The following ALPK2 variants were observed in gnomAD, a reference collection of about 807,000 sequenced individuals.
ALPK2 encodes the protein alpha-protein kinase 2.
In ALPK2, 127 loss-of-function variants were observed where a neutral mutation model predicts 163.1. The ratio of observed to expected loss-of-function variants is 0.78; its 90% confidence interval spans 0.67 to 0.90. The LOEUF (loss-of-function observed/expected upper bound fraction) is 0.90, where lower values mean the gene tolerates loss of function less well. Among genes scored for constraint, ALPK2 ranks in the 40% least tolerant of loss-of-function variants. The pLI is 0.00. For synonymous variants in ALPK2, 953 were observed against 959.1 expected (o/e 0.99, Z 0.12); for missense variants, 2,360 against 2,589.6 (o/e 0.91, Z 1.92).
At chr18:58,578,734 A>ACACACGCGCGCGCGCGCGCGCGTGCACG (rs2051935449) in intron 4 of ALPK2, 80 bp downstream of exon 4, 1 of 374,822 alleles carries the variant, frequency 2.7e-6, no homozygotes, top group African/African-American at 4.9e-5. Flanking sequence ...AAAGGAAGAG[A>ACACACGCGCGCGCGCGCGCGCGTGCACG]CACACACACA....
chr18:58,592,783 G>T (rs1252359816), intron 3 of ALPK2, among the ~76,000 whole-genome samples: 1 of 152,244 alleles, frequency 6.6e-6, no homozygotes, highest in Admixed American at 6.5e-5. Context: ...AGCAGCGAAT[G>T]TGCCTGGGTT....
At chr18:58,532,735 G>C (rs1419613069) in intron 5 of ALPK2, among the ~76,000 whole-genome samples, 2 of 152,180 alleles carry the variant, frequency 1.3e-5, no homozygotes, top group African/African-American at 4.8e-5. Flanking sequence ...GTTAGGCCAT[G>C]TGCCATTCAA....
At chr18:58,564,312 G>C (rs571643553) in intron 4 of ALPK2, among the ~76,000 whole-genome samples, 1 of 151,448 alleles carries the variant, frequency 6.6e-6, no homozygotes, top group Admixed American at 6.6e-5. Flanking sequence ...AGTAGAGATG[G>C]GGTTTCTCCA....
intron 10 of ALPK2, 85 bp from the exon 11 acceptor site, chr18:58,504,233 G>T: frequency 8.7e-7 from 1 of 1,144,552 alleles, no homozygotes. Context: ...TCCTGGAGCA[G>T]CACGGAGCAT....
chr18:58,566,688 T>A (rs1282233353), intron 4 of ALPK2: 1 of 152,224 alleles, frequency 6.6e-6, no homozygotes, highest in East Asian at 1.9e-4. Flanking sequence ...ACACCTGTTT[T>A]GGATTAGTTA....
At position 58,605,319 on chromosome 18, in the gene ALPK2, A is replaced by G. The variant is rs138096918; in HGVS notation, c.227+2003T>C. Among the ~76,000 whole-genome samples, 11 of 152,378 alleles carry G rather than the reference A, an allele frequency of 7.2e-5. No homozygotes were observed. In the East Asian group the frequency reaches 2.1e-3, roughly 29 times the overall value. On this transcript the variant is annotated intron_variant, in intron 3 of 12. Coordinates refer to ENST00000361673, the MANE Select transcript of ALPK2 (RefSeq NM_052947.4). The stretch of plus-strand genomic sequence containing the variant: ...TTTTTGCATCTGGCCTGCAAAGGCT[A>G]AAATACTTACTATCTGGCCCCTTTT...
At chr18:58,543,701 G>A (rs1368251335) in intron 4 of ALPK2, among the ~76,000 whole-genome samples, 2 of 152,194 alleles carry the variant, frequency 1.3e-5, no homozygotes, top group Non-Finnish European at 2.9e-5. Context: ...AATTTCGTTA[G>A]TACAGGGCAC....
chr18:58,544,428 A>T (rs937219365), intron 4 of ALPK2: 1 of 152,216 alleles, frequency 6.6e-6, no homozygotes, highest in Admixed American at 6.5e-5. Flanking sequence ...CATGCCAGCC[A>T]AGTGCATGAC....
At chr18:58,528,760 G>A (rs982567538) in intron 6 of ALPK2, 2 of 295,404 alleles carry the variant, frequency 6.8e-6, no homozygotes, top group Non-Finnish European at 1.3e-5. Context: ...ATACAGATGA[G>A]AGCTCTTTAA....
At chr18:58,560,120 G>A (rs1432734155) in intron 4 of ALPK2, among the ~76,000 whole-genome samples, 1 of 152,188 alleles carries the variant, frequency 6.6e-6, no homozygotes, top group Non-Finnish European at 1.5e-5. Flanking sequence ...ACATGTCATG[G>A]GAGGGACCCA....
intron 4 of ALPK2, among the ~76,000 whole-genome samples, chr18:58,568,043 G>A (rs1274460349): frequency 1.3e-5 from 2 of 152,108 alleles, no homozygotes; most frequent in Non-Finnish European, 2.9e-5. Context: ...TGCCAGCCTG[G>A]GCCACCTCCC....
chr18:58,590,434 C>T (rs950860477), intron 3 of ALPK2, among the ~76,000 whole-genome samples: 75 of 152,218 alleles, frequency 4.9e-4, no homozygotes, highest in African/African-American at 1.6e-3. Flanking sequence ...CCAGTGGCTG[C>T]GAATGTTTTG....
At position 58,535,241 on chromosome 18, in the gene ALPK2, G is replaced by C; in HGVS notation, c.4946C>G (p.Ser1649Ter). Residue 1649 changes from serine (S) to a stop codon, truncating the protein, a stop_gained, in exon 5 of 13, where the codon TCA becomes TGA. Coordinates refer to ENST00000361673, the MANE Select transcript of ALPK2 (RefSeq NM_052947.4). LOFTEE classifies it high-confidence loss of function. ...ETKPPSSSSS[S>*]AKTLAFISGE... ...TGAAATAAATGCCAAGGTCTTCGCT[G>C]AGGAGCTAGATGAGCTTGGGGGTTT... 6.2e-7 allele frequency: 1 copy of C among 1,614,152 alleles called. No individual in the cohort carries two copies. Among genetic ancestry groups the C allele is most frequent in the Admixed American group, 1.7e-5 (1 of 60,018 alleles).
intron 1 of ALPK2, among the ~76,000 whole-genome samples, chr18:58,627,872 A>C (rs2052240005): frequency 6.6e-6 from 1 of 152,344 alleles, no homozygotes; most frequent in African/African-American, 2.4e-5. Flanking sequence ...ATATAGAGTT[A>C]TAAAACATAT....
intron 4 of ALPK2, among the ~76,000 whole-genome samples, chr18:58,559,058 T>C (rs1451198749): frequency 6.6e-6 from 1 of 152,236 alleles, no homozygotes; most frequent in Non-Finnish European, 1.5e-5. Context: ...ATACTTGGCT[T>C]GCATTAAATT....
intron 3 of ALPK2, among the ~76,000 whole-genome samples, chr18:58,583,568 C>G (rs1337800822): frequency 6.6e-6 from 1 of 152,048 alleles, no homozygotes; most frequent in African/African-American, 2.4e-5. Flanking sequence ...AATCCCAGCA[C>G]TTCAGGAGGC....
intron 1 of ALPK2, among the ~76,000 whole-genome samples, chr18:58,622,957 T>C (rs1369640529): frequency 6.6e-6 from 1 of 152,176 alleles, no homozygotes; most frequent in Non-Finnish European, 1.5e-5. Context: ...AATCTTAGGC[T>C]ATCTTCTGTC....
chr18:58,494,889 G>A (rs2051393742), intron 12 of ALPK2, among the ~76,000 whole-genome samples: 1 of 152,144 alleles, frequency 6.6e-6, no homozygotes, highest in Non-Finnish European at 1.5e-5. Context: ...GTCCTCATGA[G>A]TTATCTCCCT....
intron 8 of ALPK2, among the ~76,000 whole-genome samples, chr18:58,520,770 ATTAT>A (rs1324729443): frequency 6.6e-6 from 1 of 152,232 alleles, no homozygotes; most frequent in African/African-American, 2.4e-5. Context: ...CTTGTAAAAG[ATTAT>A]TTATTCCTCC....
Sources: allele counts gnomAD v4.1 joint callset (sites outside exome capture counted in the v4.1 genomes callset), GRCh38; gene constraint gnomAD v4.1.1; transcripts MANE v1.5; gene names NCBI Gene and HGNC (gene_info 2026-07-23, HGNC 2026-07-21).